The following MORN3 variants were observed in gnomAD, a reference collection of about 807,000 sequenced individuals.
MORN3 encodes MORN repeat containing 3.
A neutral mutation model predicts 34.7 loss-of-function variants in MORN3; 38 were observed. The observed-to-expected ratio is 1.10, with a 90% confidence interval of 0.85 to 1.44. The LOEUF (loss-of-function observed/expected upper bound fraction) is 1.44, where lower values mean the gene tolerates loss of function less well. Ranked by LOEUF, MORN3 falls within the 40% of genes most tolerant of loss-of-function variation. The pLI, the probability that MORN3 is intolerant of heterozygous loss-of-function variation, is 0.00. For synonymous variants in MORN3, 109 were observed against 115.3 expected, an observed-to-expected ratio of 0.95 and a Z score of 0.35; for missense variants, 311 against 321.7, an observed-to-expected ratio of 0.97 and a Z score of 0.25.
chr12:121,655,708 CAAAA>C (rs1292613753), intron 2 of MORN3, among the ~76,000 whole-genome samples: 9 of 151,138 alleles, frequency 6.0e-5, no homozygotes, highest in African/African-American at 2.2e-4. Context: ...AAGACTGTCT[CAAAA>C]AACAAACAAA....
chr12:121,669,827 TATA>T (rs1196773414), upstream of MORN3, among the ~76,000 whole-genome samples: 265 of 117,642 alleles, frequency 2.3e-3, 5 homozygotes, highest in African/African-American at 9.9e-3. Flanking sequence ...TATATATATA[TATA>T]TATTTTTTTT....
chr12:121,658,189 C>A (rs1161413166), intron 2 of MORN3, among the ~76,000 whole-genome samples: 1 of 152,190 alleles, frequency 6.6e-6, no homozygotes, highest in Non-Finnish European at 1.5e-5. Context: ...CACCTCATCT[C>A]TTCGAGCTTG....
chr12:121,659,083 C>CGGGG, intron 2 of MORN3, 108 bp downstream of exon 2: 16 of 1,333,466 alleles, frequency 1.2e-5, no homozygotes, highest in Non-Finnish European at 1.5e-5. Flanking sequence ...CCCTGTAGAC[C>CGGGG]TCCCCTCTCT....
rs62682762 is a variant in MORN3, at chr12:121,658,565, C to CAA, written c.303+624_303+625dup. Among the ~76,000 whole-genome samples, 456 of 67,640 alleles carry CAA rather than the reference C, an allele frequency of 6.7e-3. 5 individuals carry two copies. Among genetic ancestry groups the CAA allele is most frequent in the East Asian group, 0.038 (82 of 2,132 alleles). 44.4% of individuals were successfully genotyped at this position (67,640 alleles called of 152,430 possible). On this transcript the variant is annotated intron_variant, in intron 2 of 5. Coordinates refer to ENST00000355329, the MANE Select transcript of MORN3 (RefSeq NM_173855.5). ...TGGGCGGCAGGATGAGACTCCCTCT[C>CAA]AAAAAAAAAAAAAAAAAAAAAAGTT...
chr12:121,655,201 T>C (rs1442806672), intron 2 of MORN3, among the ~76,000 whole-genome samples: 2 of 151,374 alleles, frequency 1.3e-5, no homozygotes, highest in African/African-American at 2.4e-5. Context: ...TACAAAAAAT[T>C]AGCTGGGCGT....
At chr12:121,669,249 C>T (rs950142616) in intron 1 of MORN3, 90 bp downstream of exon 1, 32 of 1,537,742 alleles carry the variant, frequency 2.1e-5, no homozygotes, top group Non-Finnish European at 2.8e-5. Context: ...ATCTCATGTC[C>T]CCAGTGAGCT....
intron 5 of MORN3, 41 bp downstream of exon 5, chr12:121,652,687 C>A: frequency 6.3e-7 from 1 of 1,590,606 alleles, no homozygotes; most frequent in Admixed American, 1.7e-5. Flanking sequence ...CTGGAGCAGC[C>A]TCAGCCACAT....
At chr12:121,666,310 C>T (rs530667878) in intron 1 of MORN3, among the ~76,000 whole-genome samples, 103 of 152,088 alleles carry the variant, frequency 6.8e-4, no homozygotes, top group Non-Finnish European at 5.1e-4. Flanking sequence ...CGTGAGCTAC[C>T]GCACCTGGCA....
intron 1 of MORN3, among the ~76,000 whole-genome samples, chr12:121,663,841 G>C (rs549692789): frequency 6.6e-6 from 1 of 151,934 alleles, no homozygotes; most frequent in Non-Finnish European, 1.5e-5. Context: ...TGGTCTGGTA[G>C]GGCCCAACCA....
chr12:121,660,812 G>A (rs1893560418), intron 1 of MORN3, among the ~76,000 whole-genome samples: 1 of 151,818 alleles, frequency 6.6e-6, no homozygotes, highest in South Asian at 2.1e-4. Flanking sequence ...GGGATTACAG[G>A]AATGCACCAG....
chr12:121,669,083 C>T (rs78535550), intron 1 of MORN3, among the ~76,000 whole-genome samples: 1,584 of 152,296 alleles, frequency 0.01, 11 homozygotes, highest in Non-Finnish European at 0.017. Flanking sequence ...CCCAGAGCCC[C>T]GGGGGCAGGC....
At chr12:121,664,888 GAC>G (rs1191724307) in intron 1 of MORN3, among the ~76,000 whole-genome samples, 1 of 57,936 alleles carries the variant, frequency 1.7e-5, no homozygotes, top group Non-Finnish European at 3.4e-5. Flanking sequence ...AAAAAAAAAA[GAC>G]ACTGATGGAT....
intron 2 of MORN3, among the ~76,000 whole-genome samples, chr12:121,655,051 A>T (rs879977438): frequency 6.6e-6 from 1 of 151,952 alleles, no homozygotes; most frequent in Admixed American, 6.6e-5. Context: ...ACAGCGCCGG[A>T]GGACTCTTTA....
At chr12:121,661,585 C>T (rs536778328) in intron 1 of MORN3, among the ~76,000 whole-genome samples, 1 of 151,910 alleles carries the variant, frequency 6.6e-6, no homozygotes, top group East Asian at 1.9e-4. Flanking sequence ...ATAAGAATAT[C>T]TTATGGGGGG....
At chr12:121,659,147 A>T (rs754399850) in intron 2 of MORN3, 44 bp downstream of exon 2, 2 of 1,546,522 alleles carry the variant, frequency 1.3e-6, no homozygotes, top group South Asian at 2.3e-5. Flanking sequence ...GCACACACAC[A>T]CACACACACA....
intron 1 of MORN3, among the ~76,000 whole-genome samples, chr12:121,662,847 C>A (rs1236175492): frequency 6.6e-6 from 1 of 151,700 alleles, no homozygotes; most frequent in Non-Finnish European, 1.5e-5. Context: ...TCAAGAACAG[C>A]CTGGCCAACA....
In MORN3 at chr12:121,659,309, T is replaced by C. The variant is rs773783457; in HGVS notation, c.185A>G (p.Tyr62Cys). 65 of 1,613,872 alleles carry C rather than the reference T, an allele frequency of 4.0e-5. 1 individual carries two copies. The highest frequency in any genetic ancestry group is 3.6e-4 in the East Asian group (16 of 44,882). Residue 62 changes from tyrosine (Y) to cysteine (C), a missense_variant, in exon 2 of 6, where the codon TAT becomes TGT. By Grantham distance (194) the Tyr-to-Cys change is radical. Coordinates refer to ENST00000355329, the MANE Select transcript of MORN3 (RefSeq NM_173855.5). ...CTTCCCAAACTTCCAGTCCCCCTCA[T>C]AGATGGCTCCTTTCTTCTTCCAGAC... ...TQVWKKKGAI[Y>C]EGDWKFGKRD...
At chr12:121,667,704 C>T (rs1041957708) in intron 1 of MORN3, among the ~76,000 whole-genome samples, 1 of 151,718 alleles carries the variant, frequency 6.6e-6, no homozygotes, top group African/African-American at 2.4e-5. Context: ...TCAGTTACTC[C>T]CTCTCCTCCA....
At chr12:121,654,495 T>A (rs1893359258) in intron 2 of MORN3, 62 bp from the exon 3 acceptor site, 1 of 1,496,784 alleles carries the variant, frequency 6.7e-7, no homozygotes, top group African/African-American at 1.4e-5. Flanking sequence ...AAGCCCACCG[T>A]CTTCCCAGGC....
Sources: gnomAD v4.1 joint callset for allele counts (sites outside exome capture counted in the v4.1 genomes callset) on GRCh38, gnomAD v4.1.1 for gene constraint, MANE v1.5 for transcripts, NCBI Gene and HGNC (gene_info 2026-07-23, HGNC 2026-07-21) for gene names.